Variants in SPTA1 observed in about 807,000 individuals in gnomAD.
SPTA1 encodes the protein spectrin alpha, erythrocytic 1, also known as spectrin alpha chain, erythrocytic 1.
In SPTA1, 177 loss-of-function variants were observed where a neutral mutation model predicts 324.7. The observed-to-expected ratio is 0.55, with a 90% CI of 0.48 to 0.62. SPTA1 has a LOEUF of 0.62. SPTA1 is among the 20% of genes least tolerant of loss of function. The pLI is 0.00. For missense variants in SPTA1, 3,162 were observed against 2,883.6 expected (o/e 1.10, Z -2.21); for synonymous variants, 1,195 against 1,041.3 (o/e 1.15, Z -2.84).
At position 158,686,699 on chromosome 1, in the gene SPTA1, T is replaced by C. The variant is rs1655208852; in HGVS notation, c.-182A>G. On this transcript the variant is annotated 5_prime_UTR_variant, in exon 1 of 52. An upstream start codon of the reference 5' UTR is lost. Transcript: ENST00000643759. ...TCCCATCAGCCATACACAATCGACA[T>C]TATCTTTAGAAGACATACTCAGCTG... 1 of 561,292 alleles carries C rather than the reference T, an allele frequency of 1.8e-6. No homozygotes were observed. Among genetic ancestry groups the C allele is most frequent in the Admixed American group, 3.0e-5 (1 of 33,086 alleles). 34.8% of individuals were successfully genotyped at this position (561,292 alleles called of 1,614,324 possible). A position where few individuals can be genotyped will look rare whatever the true frequency, so the allele number is the denominator to read the frequency against.
intron 39 of SPTA1, among the ~76,000 whole-genome samples, chr1:158,632,504 G>A (rs1433261956): frequency 2.0e-5 from 3 of 152,032 alleles, no homozygotes; most frequent in Non-Finnish European, 2.9e-5. Flanking sequence ...AGAAAATAGA[G>A]AGACATTTCA....
chr1:158,637,399 G>A (rs1021687610), intron 36 of SPTA1, among the ~76,000 whole-genome samples: 8 of 152,228 alleles, frequency 5.3e-5, no homozygotes, highest in Non-Finnish European at 1.0e-4. Context: ...AGAGAAGCGT[G>A]ATGAGGCAGG....
chr1:158,650,851 G>T (rs935835430), intron 24 of SPTA1, among the ~76,000 whole-genome samples: 7 of 152,180 alleles, frequency 4.6e-5, no homozygotes, highest in Non-Finnish European at 1.0e-4. Flanking sequence ...TGGTACAGAA[G>T]ATTAAGAGGA....
chr1:158,632,799 C>A (rs1650776681), intron 39 of SPTA1, among the ~76,000 whole-genome samples: 1 of 147,710 alleles, frequency 6.8e-6, no homozygotes, highest in Non-Finnish European at 1.5e-5. Flanking sequence ...TAGGCAGTTA[C>A]TATATGGTTC....
At chr1:158,649,794 G>C in intron 25 of SPTA1, 62 bp downstream of exon 25, 1 of 1,306,766 alleles carries the variant, frequency 7.7e-7, no homozygotes, top group Non-Finnish European at 1.1e-6. Context: ...CATAGTAATA[G>C]ACTTAGAAGT....
chr1:158,651,909 C>CTG (rs1553231095), intron 23 of SPTA1, among the ~76,000 whole-genome samples: 3,680 of 144,910 alleles, frequency 0.025, 78 homozygotes, highest in African/African-American at 0.055. Context: ...CTCTCTCTCT[C>CTG]TGTGTGTGTG....
At chr1:158,621,597 A>C (rs1471716840) in intron 43 of SPTA1, among the ~76,000 whole-genome samples, 1 of 152,220 alleles carries the variant, frequency 6.6e-6, no homozygotes, top group Non-Finnish European at 1.5e-5. Flanking sequence ...TATTTTAAAA[A>C]GAAGATTAAA....
intron 39 of SPTA1, among the ~76,000 whole-genome samples, 182 bp downstream of exon 39, chr1:158,634,361 G>C (rs1017124488): frequency 6.6e-6 from 1 of 152,138 alleles, no homozygotes; most frequent in Admixed American, 6.5e-5. Context: ...CCGTAATCTT[G>C]GGCAAGTCAC....
In SPTA1 at chr1:158,652,683, AAAG is replaced by A. The variant is rs759207567; in HGVS notation, c.3189-33_3189-31del. 6 of 1,612,740 alleles carry A rather than the reference AAAG, an allele frequency of 3.7e-6. No individual in the cohort carries two copies. In the Admixed American group the frequency reaches 1.0e-4, roughly 27 times the overall value. On this transcript the variant is annotated intron_variant, in intron 22 of 51. Coordinates refer to ENST00000643759, the MANE Select transcript of SPTA1 (RefSeq NM_003126.4). ...ATGGAGAATTGGGAAAAGTGGAATA[AAAG>A]AAGGAGAAAATACAGAAGAGTAGAG...
At chr1:158,685,412 ATG>A in intron 1 of SPTA1, 65 bp from the exon 2 acceptor site, 1 of 1,600,410 alleles carries the variant, frequency 6.2e-7, no homozygotes, top group Non-Finnish European at 8.5e-7. Context: ...CCCCGCTTAT[ATG>A]TGTCAAGGTG....
At position 158,674,307 on chromosome 1, in the gene SPTA1, A is replaced by G. The variant is rs1654247193; in HGVS notation, c.1350+22T>C. 8 of 1,608,838 alleles carry G rather than the reference A, an allele frequency of 5.0e-6. No individual in the cohort carries two copies. The East Asian group carries it at 6.7e-5, about 13-fold the overall frequency. ...ACTACATATATAATTGGAATTTGAC[A>G]AACTCTGTTAAACTAGATTACCTTT... is the stretch of plus-strand genomic sequence containing the variant. On this transcript the variant is annotated intron_variant, in intron 10 of 51. Coordinates refer to ENST00000643759, the MANE Select transcript of SPTA1 (RefSeq NM_003126.4).
chr1:158,640,201 T>C (rs1305413756), intron 33 of SPTA1, among the ~76,000 whole-genome samples, 194 bp from the exon 34 acceptor site: 1 of 152,110 alleles, frequency 6.6e-6, no homozygotes, highest in Non-Finnish European at 1.5e-5. Context: ...AGAGAAAGTT[T>C]AAAAAAGGGT....
At chr1:158,622,319 TTTA>T (rs1385867134) in intron 43 of SPTA1, among the ~76,000 whole-genome samples, 2 of 152,044 alleles carry the variant, frequency 1.3e-5, no homozygotes, top group East Asian at 1.9e-4. Flanking sequence ...ATCATACATA[TTTA>T]TTATGTATTA....
In SPTA1 at chr1:158,647,693, G is replaced by C; in HGVS notation, c.3742C>G (p.Arg1248Gly). ...KVTILGETAE[R>G]LSESHPDATE... ...GCATCTGGATGGGACTCACTGAGCC[G>C]CTCTGCTGTCTCCCCCAGTATGGTC... The change falls in exon 27 of 52, where the codon CGG becomes GGG. Residue 1248 changes from arginine (R) to glycine (G), a missense_variant. Transcript: ENST00000643759. 1 of 1,613,796 alleles carries C rather than the reference G, an allele frequency of 6.2e-7. No individual in the cohort carries two copies. Among genetic ancestry groups the C allele is most frequent in the African/African-American group, 1.3e-5 (1 of 74,964 alleles).
At chr1:158,622,712 G>T in intron 43 of SPTA1, 1 of 414,508 alleles carries the variant, frequency 2.4e-6, no homozygotes, top group Non-Finnish European at 4.5e-6. Flanking sequence ...CATACACAAA[G>T]ACCTCCCATC....
At chr1:158,631,376 G>A (rs762177598) in intron 39 of SPTA1, among the ~76,000 whole-genome samples, 3 of 152,226 alleles carry the variant, frequency 2.0e-5, no homozygotes, top group East Asian at 1.9e-4. Flanking sequence ...AATGTCTTAC[G>A]TTCTCACTTA....
chr1:158,649,413 G>A (rs573490392), intron 25 of SPTA1, among the ~76,000 whole-genome samples: 80 of 152,226 alleles, frequency 5.3e-4, no homozygotes, highest in African/African-American at 1.9e-3. Context: ...CCAAGTAGTT[G>A]GGACCATAGG....
chr1:158,611,224 A>G lies in SPTA1; in HGVS notation c.*40T>C. On this transcript the variant is annotated 3_prime_UTR_variant, in exon 52 of 52. Transcript: ENST00000643759. ...CTCTTTGCCCCCCAGTAAATTTCCC[A>G]CGACACTAAGATTTTCTACGATCCA... is the stretch of plus-strand genomic sequence containing the variant. The G allele has an allele frequency of 6.2e-7, 1 of 1,611,002 alleles. No individual in the cohort carries two copies. Among genetic ancestry groups the G allele is most frequent in the Non-Finnish European group, 8.5e-7 (1 of 1,178,294 alleles).
intron 15 of SPTA1, 116 bp from the exon 16 acceptor site, chr1:158,666,613 A>G (rs1437726185): frequency 1.1e-6 from 1 of 918,144 alleles, no homozygotes; most frequent in South Asian, 1.4e-5. Context: ...GCAAAGAGGG[A>G]AATATAACTG....
Sources: gnomAD v4.1 joint callset for allele counts (sites outside exome capture counted in the v4.1 genomes callset) on GRCh38, gnomAD v4.1.1 for gene constraint, MANE v1.5 for transcripts, NCBI Gene and HGNC (gene_info 2026-07-23, HGNC 2026-07-21) for gene names.